Variants in PCDH9 observed in about 807,000 individuals in gnomAD.
PCDH9 encodes the protein protocadherin-9.
A neutral mutation model predicts 70.6 loss-of-function variants in PCDH9; 24 were observed. The ratio of observed to expected loss-of-function variants is 0.34; its 90% CI spans 0.25 to 0.48. PCDH9 has a LOEUF of 0.48. Ranked by LOEUF, PCDH9 falls within the 20% of genes least tolerant of loss-of-function variation. The pLI is 0.99. For missense variants in PCDH9, 1,281 were observed against 1,503.6 expected, an observed-to-expected ratio of 0.85 and a Z score of 2.45; for synonymous variants, 562 against 558.5, an observed-to-expected ratio of 1.01 and a Z score of -0.09.
chr13:67,039,060 C>T (rs1284281892), intron 2 of PCDH9, among the ~76,000 whole-genome samples: 1 of 152,144 alleles, frequency 6.6e-6, no homozygotes, highest in Non-Finnish European at 1.5e-5. Context: ...ATAAAAGCCT[C>T]CAGATGATGG....
intron 4 of PCDH9, among the ~76,000 whole-genome samples, chr13:66,382,456 A>C (rs775231718): frequency 5.9e-5 from 9 of 152,202 alleles, no homozygotes; most frequent in African/African-American, 1.4e-4. Context: ...TGAAATAAGA[A>C]GGGAATTACC....
At chr13:66,305,835 A>G (rs1311237416) in intron 4 of PCDH9, among the ~76,000 whole-genome samples, 1 of 152,136 alleles carries the variant, frequency 6.6e-6, no homozygotes, top group Non-Finnish European at 1.5e-5. Flanking sequence ...GAAAGTGATC[A>G]TAGAATTTAT....
At chr13:66,623,333 C>A (rs1299935075) in intron 4 of PCDH9, among the ~76,000 whole-genome samples, 1 of 152,190 alleles carries the variant, frequency 6.6e-6, no homozygotes, top group Non-Finnish European at 1.5e-5. Flanking sequence ...TATGTTAAAC[C>A]ATGTATTCAC....
chr13:66,636,602 T>G (rs1315678833), intron 3 of PCDH9, among the ~76,000 whole-genome samples: 1 of 152,140 alleles, frequency 6.6e-6, no homozygotes, highest in Non-Finnish European at 1.5e-5. Context: ...TATTTGTAAT[T>G]GTTTAAATAT....
At chr13:66,752,180 ATAG>A (rs2079470410) in intron 3 of PCDH9, among the ~76,000 whole-genome samples, 2 of 152,198 alleles carry the variant, frequency 1.3e-5, no homozygotes, top group African/African-American at 4.8e-5. Flanking sequence ...TGTGGCTGGA[ATAG>A]AGTAAGTAAG....
At chr13:67,193,872 T>A (rs1458790679) in intron 2 of PCDH9, among the ~76,000 whole-genome samples, 1 of 152,134 alleles carries the variant, frequency 6.6e-6, no homozygotes, top group Non-Finnish European at 1.5e-5. Context: ...TAAATATTCC[T>A]GTTAAGTCAG....
intron 2 of PCDH9, chr13:67,206,768 GA>G (rs2089358928): frequency 6.6e-6 from 1 of 152,100 alleles, no homozygotes; most frequent in Admixed American, 6.5e-5. Context: ...ACAGGGGCTG[GA>G]ATAAAGATTT....
chr13:66,567,469 G>A (rs1380937920), intron 4 of PCDH9, among the ~76,000 whole-genome samples: 1 of 152,052 alleles, frequency 6.6e-6, no homozygotes, highest in East Asian at 1.9e-4. Context: ...ACTTCAATGT[G>A]TTCCATATTT....
chr13:66,451,764 C>T (rs1958216446), intron 4 of PCDH9, among the ~76,000 whole-genome samples: 1 of 152,106 alleles, frequency 6.6e-6, no homozygotes, highest in South Asian at 2.1e-4. Flanking sequence ...ACATAAAGAT[C>T]TAATGTATAC....
intron 3 of PCDH9, among the ~76,000 whole-genome samples, chr13:66,758,829 T>C (rs902997460): frequency 1.1e-4 from 16 of 152,052 alleles, no homozygotes; most frequent in Admixed American, 5.9e-4. Context: ...AGATTTTCTA[T>C]TTCTTCATAA....
chr13:67,107,469 T>C (rs1193225640), intron 2 of PCDH9, among the ~76,000 whole-genome samples: 1 of 152,160 alleles, frequency 6.6e-6, no homozygotes, highest in Non-Finnish European at 1.5e-5. Flanking sequence ...ACTACCACTC[T>C]GGGCCTCCTC....
At chr13:66,980,102 A>G (rs1278974162) in intron 2 of PCDH9, among the ~76,000 whole-genome samples, 2 of 151,786 alleles carry the variant, frequency 1.3e-5, no homozygotes, top group African/African-American at 4.8e-5. Context: ...CTATCTATCT[A>G]TCTATCTATC....
chr13:66,328,557 A>G (rs541081040), intron 4 of PCDH9, among the ~76,000 whole-genome samples: 9 of 152,272 alleles, frequency 5.9e-5, no homozygotes, highest in Admixed American at 4.6e-4. Context: ...GACTGCTCTC[A>G]TTTCTACTGA....
chr13:67,059,995 G>A (rs2085506287), intron 2 of PCDH9, among the ~76,000 whole-genome samples: 1 of 151,740 alleles, frequency 6.6e-6, no homozygotes, highest in Non-Finnish European at 1.5e-5. Context: ...GTGTATGGGG[G>A]TATGAGTATG....
intron 2 of PCDH9, among the ~76,000 whole-genome samples, chr13:67,014,686 G>T (rs1420471326): frequency 6.6e-6 from 1 of 151,962 alleles, no homozygotes; most frequent in East Asian, 1.9e-4. Flanking sequence ...CTTCTTTACA[G>T]TTTCTTGGGA....
intron 2 of PCDH9, among the ~76,000 whole-genome samples, chr13:67,128,603 C>G (rs66953206): frequency 0.23 from 35,298 of 152,108 alleles, 4,207 homozygotes; most frequent in Middle Eastern, 0.28. Context: ...CCCTTCTGCT[C>G]TCTCCCTCTG....
chr13:66,579,437 T>C (rs1285825259), intron 4 of PCDH9, among the ~76,000 whole-genome samples: 1 of 152,028 alleles, frequency 6.6e-6, no homozygotes, highest in South Asian at 2.1e-4. Context: ...CATTAATTTG[T>C]TGAAGGTCAA....
intron 3 of PCDH9, among the ~76,000 whole-genome samples, chr13:66,844,549 C>G (rs1329398014): frequency 1.3e-5 from 2 of 149,722 alleles, no homozygotes; most frequent in African/African-American, 4.9e-5. Context: ...CGTGCCACTG[C>G]ACTCTAGCCA....
intron 2 of PCDH9, among the ~76,000 whole-genome samples, chr13:66,924,954 G>A (rs967261965): frequency 6.6e-6 from 1 of 151,710 alleles, no homozygotes; most frequent in African/African-American, 2.4e-5. Context: ...TACGATGAAT[G>A]TATAAATGAA....
Sources: gnomAD v4.1 joint callset for allele counts (sites outside exome capture counted in the v4.1 genomes callset) on GRCh38, gnomAD v4.1.1 for gene constraint, MANE v1.5 for transcripts, NCBI Gene and HGNC (gene_info 2026-07-23, HGNC 2026-07-21) for gene names.